Variants in B3GLCT observed in about 807,000 individuals in gnomAD.
B3GLCT encodes beta 3-glucosyltransferase.
A neutral mutation model predicts 63.4 loss-of-function variants in B3GLCT; 65 were observed. The ratio of observed to expected loss-of-function variants is 1.03; its 90% CI spans 0.84 to 1.26. The LOEUF is 1.26. Among genes scored for constraint, B3GLCT ranks in the 50% most tolerant of loss-of-function variants. The pLI is 0.00. For missense variants in B3GLCT, 577 were observed against 604.8 expected, an observed-to-expected ratio of 0.95 and a Z score of 0.48; for synonymous variants, 233 against 219.2, an observed-to-expected ratio of 1.06 and a Z score of -0.55.
chr13:31,221,597 G>A (rs886645983), intron 2 of B3GLCT, among the ~76,000 whole-genome samples: 6 of 152,108 alleles, frequency 3.9e-5, no homozygotes, highest in African/African-American at 1.4e-4. Context: ...TTCTAGTCTC[G>A]AGACAAAGAT....
At chr13:31,259,386 ATGT>A (rs926090975) in intron 6 of B3GLCT, among the ~76,000 whole-genome samples, 10 of 151,980 alleles carry the variant, frequency 6.6e-5, no homozygotes, top group African/African-American at 2.4e-4. Flanking sequence ...TGGGTTGTAG[ATGT>A]TGTTTGGGTA....
intron 1 of B3GLCT, among the ~76,000 whole-genome samples, chr13:31,202,667 T>G (rs1340594612): frequency 6.6e-6 from 1 of 152,180 alleles, no homozygotes; most frequent in African/African-American, 2.4e-5. Flanking sequence ...GAGATATCTT[T>G]AGAGATTGTT....
intron 12 of B3GLCT, 147 bp from the exon 13 acceptor site, chr13:31,317,419 T>G: frequency 1.1e-6 from 1 of 896,428 alleles, no homozygotes; most frequent in South Asian, 1.5e-5. Context: ...AAAATTTTAT[T>G]TATTTTATAA....
chr13:31,317,519 A>ACGT (rs761473424), intron 12 of B3GLCT, 47 bp from the exon 13 acceptor site: 6 of 1,611,668 alleles, frequency 3.7e-6, no homozygotes, highest in Non-Finnish European at 5.1e-6. Context: ...TTCCATAACC[A>ACGT]CGTTTGAATC....
At chr13:31,317,707 T>C (rs751845889) in intron 13 of B3GLCT, 22 bp downstream of exon 13, 2 of 1,613,626 alleles carry the variant, frequency 1.2e-6, no homozygotes, top group Non-Finnish European at 1.7e-6. Context: ...CACAGCTTTC[T>C]TCAACTACTT....
chr13:31,329,470 A>G, intron 14 of B3GLCT, 31 bp from the exon 15 acceptor site: 2 of 1,613,474 alleles, frequency 1.2e-6, no homozygotes, highest in Non-Finnish European at 1.7e-6. Flanking sequence ...TTCAATCAAC[A>G]AGGAAGCCTA....
chr13:31,229,266 T>C lies in B3GLCT; in HGVS notation c.242T>C (p.Ile81Thr), dbSNP rs1431821802. Reference protein sequence around the residue: ...AKRAEQLKKSILKQAADLTQE... With the variant: ...AKRAEQLKKSTLKQAADLTQE... ...AGAGCAGAGCAGTTAAAAAAAAGCA[T>C]CTTAAAGCAGGCTGCAGATCTTACA... The change falls in exon 4 of 15, where the codon ATC (isoleucine) becomes ACC (threonine). Residue 81 changes from isoleucine to threonine, a missense_variant. Coordinates refer to ENST00000343307, the MANE Select transcript of B3GLCT (RefSeq NM_194318.4). The C allele has an allele frequency of 2.5e-6, 4 of 1,612,576 alleles. No individual in the cohort carries two copies. Among genetic ancestry groups the C allele is most frequent in the South Asian group, 1.1e-5 (1 of 91,050 alleles).
At chr13:31,228,686 G>A (rs1340254621) in intron 3 of B3GLCT, among the ~76,000 whole-genome samples, 1 of 152,182 alleles carries the variant, frequency 6.6e-6, no homozygotes, top group Admixed American at 6.5e-5. Context: ...GCTTTAACTT[G>A]ATTACCTCTG....
chr13:31,230,752 A>G (rs981220976), intron 4 of B3GLCT, among the ~76,000 whole-genome samples: 3 of 152,128 alleles, frequency 2.0e-5, no homozygotes, highest in African/African-American at 7.2e-5. Context: ...GCTCACGCCT[A>G]TAATCCCAGC....
intron 4 of B3GLCT, 54 bp from the exon 5 acceptor site, chr13:31,246,968 CT>C (rs1195155356): frequency 3.3e-5 from 20 of 597,922 alleles, no homozygotes; most frequent in Non-Finnish European, 4.8e-5. Flanking sequence ...TTTTTTTTTA[CT>C]TTTTTTCGGA....
rs1874501368 is a variant in B3GLCT, at chr13:31,308,347, T to TAAAAAAAAAAACAA, written c.1065-9208_1065-9207insCAAAAAAAAAAAAA. Among the ~76,000 whole-genome samples the TAAAAAAAAAAACAA allele has an allele frequency of 3.3e-3, 77 of 23,684 alleles. 3 individuals are homozygous for TAAAAAAAAAAACAA. The South Asian group carries it at 0.036, about 11-fold the overall frequency. 15.5% of individuals were successfully genotyped at this position (23,684 alleles called of 152,430 possible). A position where few individuals can be genotyped will look rare whatever the true frequency, so the allele number is the denominator to read the frequency against. ...TAGAGTATAATAAAAAAAAAAAAAT[T>TAAAAAAAAAAACAA]AAAAAAAAAAAAACAAAAAAAAAAG... On this transcript the variant is annotated intron_variant, in intron 12 of 14. Transcript: ENST00000343307.
chr13:31,242,824 C>T (rs1871020749), intron 4 of B3GLCT, among the ~76,000 whole-genome samples: 1 of 152,118 alleles, frequency 6.6e-6, no homozygotes, highest in Non-Finnish European at 1.5e-5. Context: ...TAGGAAAGGA[C>T]ATTTAATGAT....
At chr13:31,231,661 G>C (rs994414123) in intron 4 of B3GLCT, among the ~76,000 whole-genome samples, 15 of 152,174 alleles carry the variant, frequency 9.9e-5, no homozygotes, top group Non-Finnish European at 2.1e-4. Flanking sequence ...GTAGTTTTTA[G>C]AGCACCTTCG....
intron 6 of B3GLCT, among the ~76,000 whole-genome samples, chr13:31,254,865 G>A (rs1005401011): frequency 6.6e-6 from 1 of 151,770 alleles, no homozygotes; most frequent in Non-Finnish European, 1.5e-5. Flanking sequence ...GTAAAACCCC[G>A]TCTCTACTAA....
intron 2 of B3GLCT, among the ~76,000 whole-genome samples, chr13:31,220,673 G>A (rs1326342532): frequency 2.6e-5 from 4 of 152,120 alleles, no homozygotes; most frequent in African/African-American, 9.7e-5. Flanking sequence ...ACTGTTTCTT[G>A]CATATTTGAT....
At chr13:31,328,635 G>C (rs371039760) in intron 14 of B3GLCT, among the ~76,000 whole-genome samples, 15 of 122,248 alleles carry the variant, frequency 1.2e-4, no homozygotes, top group Non-Finnish European at 3.2e-5. Flanking sequence ...AGAGGTTGCA[G>C]TAAGCTGAGA....
chr13:31,216,016 G>A (rs1869543181), intron 2 of B3GLCT, among the ~76,000 whole-genome samples: 1 of 152,144 alleles, frequency 6.6e-6, no homozygotes, highest in Non-Finnish European at 1.5e-5. Flanking sequence ...GTTGGGCTTT[G>A]CACTAGATCA....
chr13:31,295,690 G>A (rs1401389006), intron 12 of B3GLCT, among the ~76,000 whole-genome samples: 1 of 152,310 alleles, frequency 6.6e-6, no homozygotes, highest in East Asian at 1.9e-4. Flanking sequence ...ATCCCAGGGG[G>A]ACTTCAGACT....
intron 12 of B3GLCT, among the ~76,000 whole-genome samples, chr13:31,315,436 T>C (rs1874947508): frequency 6.6e-6 from 1 of 152,194 alleles, no homozygotes; most frequent in South Asian, 2.1e-4. Context: ...TAGAGATCTG[T>C]GGAGCCTTGA....
Sources: gnomAD v4.1 joint callset for allele counts (sites outside exome capture counted in the v4.1 genomes callset) on GRCh38, gnomAD v4.1.1 for gene constraint, MANE v1.5 for transcripts, NCBI Gene and HGNC (gene_info 2026-07-23, HGNC 2026-07-21) for gene names.